Variants in MYO7B observed in about 807,000 individuals in gnomAD.
The protein encoded by MYO7B is unconventional myosin-VIIb.
In MYO7B, 212 loss-of-function variants were observed where a neutral mutation model predicts 259.7. The ratio of observed to expected loss-of-function variants is 0.82; its 90% CI spans 0.73 to 0.91. The LOEUF (loss-of-function observed/expected upper bound fraction) is 0.91. Ranked by LOEUF, MYO7B falls within the 40% of genes least tolerant of loss-of-function variation. The pLI, the probability that MYO7B is intolerant of heterozygous loss-of-function variation, is 0.00. For missense variants in MYO7B, 2,732 were observed against 2,813.5 expected, an observed-to-expected ratio of 0.97 and a Z score of 0.66; for synonymous variants, 1,197 against 1,166.4, an observed-to-expected ratio of 1.03 and a Z score of -0.54.
chr2:127,579,021 A>C (rs1295598556), intron 9 of MYO7B, among the ~76,000 whole-genome samples: 2 of 152,200 alleles, frequency 1.3e-5, no homozygotes, highest in African/African-American at 4.8e-5. Context: ...AAAAATAACC[A>C]AAAGGAAGAA....
At chr2:127,612,426 G>A (rs770489875) in intron 25 of MYO7B, 50 bp from the exon 26 acceptor site, 33 of 1,550,198 alleles carry the variant, frequency 2.1e-5, no homozygotes, top group Non-Finnish European at 2.8e-5. Flanking sequence ...TTCCTACTTG[G>A]CAGATGGGGA....
chr2:127,604,171 A>G (rs973368880), intron 19 of MYO7B, among the ~76,000 whole-genome samples: 2 of 152,216 alleles, frequency 1.3e-5, no homozygotes, highest in African/African-American at 2.4e-5. Flanking sequence ...GTGTAGCCAC[A>G]TTTATCAATG....
chr2:127,593,101 A>G (rs1317816723), intron 17 of MYO7B, among the ~76,000 whole-genome samples, 155 bp downstream of exon 17: 1 of 150,184 alleles, frequency 6.7e-6, no homozygotes, highest in Non-Finnish European at 1.5e-5. Flanking sequence ...TCCTCCTCCC[A>G]CCCTACCCTC....
At position 127,580,012 on chromosome 2, in the gene MYO7B, C is replaced by G. The variant is rs1573647869; in HGVS notation, c.1004-734C>G. 2.0e-5 allele frequency among the ~76,000 whole-genome samples: 3 copies of G among 152,184 alleles called. No homozygotes were observed. The East Asian group carries it at 5.8e-4, about 29-fold the overall frequency. ...CCGGAGGAGAGGGACACAGTCTCAGCCCGCAAGGACCTCGGAGGGCTGTGG... is the reference window on the plus strand; with the variant it reads ...CCGGAGGAGAGGGACACAGTCTCAGGCCGCAAGGACCTCGGAGGGCTGTGG... On this transcript the variant is annotated intron_variant, in intron 9 of 47. Transcript: ENST00000409816.
intron 30 of MYO7B, 135 bp from the exon 31 acceptor site, chr2:127,625,233 G>A: frequency 3.8e-6 from 4 of 1,048,392 alleles, no homozygotes; most frequent in Non-Finnish European, 3.9e-6. Context: ...GCAGGGAGGG[G>A]GAAGGTCCTG....
At chr2:127,622,534 C>T (rs930350598) in intron 28 of MYO7B, among the ~76,000 whole-genome samples, 1 of 152,184 alleles carries the variant, frequency 6.6e-6, no homozygotes, top group Non-Finnish European at 1.5e-5. Flanking sequence ...GCTGTTTTCT[C>T]AGGAAGGGTC....
At position 127,607,979 on chromosome 2, in the gene MYO7B, C is replaced by T. The variant is rs1680223445; in HGVS notation, c.2643+555C>T. ...GGGCTGTGTATGACAGCTCAGGGGA[C>T]AGAGAAATATTAATACCAAGGGGAG... On this transcript the variant is annotated intron_variant, in intron 21 of 47. Coordinates refer to ENST00000409816, the MANE Select transcript of MYO7B (RefSeq NM_001393586.1). This position sits in a 1 kb window ranked among gnomAD's most constrained non-coding sequence, Gnocchi z 4.4. Among the ~76,000 whole-genome samples the T allele has an allele frequency of 6.6e-6, 1 of 152,106 alleles. No individual in the cohort carries two copies. Among genetic ancestry groups the T allele is most frequent in the South Asian group, 2.1e-4 (1 of 4,824 alleles).
intron 2 of MYO7B, among the ~76,000 whole-genome samples, chr2:127,560,031 T>TTTTC (rs1491234343): frequency 5.8e-4 from 17 of 29,360 alleles, no homozygotes; most frequent in East Asian, 2.2e-3. Context: ...TTTTCTTTTC[T>TTTTC]TTTTTTTTTT....
chr2:127,635,261 C>T, intron 43 of MYO7B, 35 bp downstream of exon 43: 7 of 1,565,146 alleles, frequency 4.5e-6, no homozygotes, highest in Non-Finnish European at 5.2e-6. Context: ...GCACTGGGGC[C>T]ACCCCCATCT....
chr2:127,609,894 C>A lies in MYO7B; in HGVS notation c.3070C>A (p.Leu1024Ile). The A allele has an allele frequency of 6.2e-7, 1 of 1,611,850 alleles. No homozygotes were observed. The highest frequency in any genetic ancestry group is 8.5e-7 in the Non-Finnish European group (1 of 1,178,890). Residue 1024 changes from leucine (L) to isoleucine (I), a missense_variant, in exon 24 of 48, where the codon CTC becomes ATC. By Grantham distance (5) the Leu-to-Ile change is conservative. This residue lies in a region of MYO7B where 1,906 missense variants were observed against 2,026.4 expected (regional missense o/e 0.94). Coordinates refer to ENST00000409816, the MANE Select transcript of MYO7B (RefSeq NM_001393586.1). The surrounding 1 kb of genome is among the most constrained non-coding windows in gnomAD (Gnocchi z 6.9). ...WNVILRFMGD[L>I]PEPVLYARSS... The stretch of plus-strand genomic sequence containing the variant: ...CGTCATCCTGAGGTTCATGGGTGAT[C>A]TCCCAGAGCCAGTGCTGTATGCCAG...
chr2:127,537,383 C>T (rs1164504694), intron 1 of MYO7B, among the ~76,000 whole-genome samples: 1 of 152,156 alleles, frequency 6.6e-6, no homozygotes, highest in African/African-American at 2.4e-5. Flanking sequence ...GTCTGTTGGC[C>T]TTGTGTAGGA....
At chr2:127,541,624 C>T (rs1164187256) in intron 1 of MYO7B, among the ~76,000 whole-genome samples, 1 of 152,116 alleles carries the variant, frequency 6.6e-6, no homozygotes, top group African/African-American at 2.4e-5. Flanking sequence ...GGCACCTGAA[C>T]CTAGTTGTGT....
Position 127,622,202 on chromosome 2 carries a change from T to A in MYO7B, c.3645+101T>A. On this transcript the variant is annotated intron_variant, in intron 28 of 47. Transcript: ENST00000409816. The stretch of plus-strand genomic sequence containing the variant: ...GGTGCCTTCTCCTAGGACAGAACTT[T>A]GTCCTCTGAGCCCCGCCATCTCCTC... 3 of 1,419,646 alleles carry A rather than the reference T, an allele frequency of 2.1e-6. No individual in the cohort carries two copies. The South Asian group carries it at 4.4e-5, about 21-fold the overall frequency. The allele number at this position is 1,419,646 out of a possible 1,614,324, so 87.9% of individuals were successfully genotyped here. A position where few individuals can be genotyped will look rare whatever the true frequency, so the allele number is the denominator to read the frequency against.
At chr2:127,541,309 A>G (rs1322007620) in intron 1 of MYO7B, among the ~76,000 whole-genome samples, 2 of 152,058 alleles carry the variant, frequency 1.3e-5, no homozygotes, top group Non-Finnish European at 2.9e-5. Context: ...ACAGTGAAGG[A>G]GGCATCTCGA....
At position 127,627,830 on chromosome 2, in the gene MYO7B, AG is replaced by A. The variant is rs1453759249; in HGVS notation, c.4460+521del. ...TGGGAAGTCCCACCCAAGCCCTGCC[AG>A]AGCGCCCCTTGGTTGAAGCACACAA... On this transcript the variant is annotated intron_variant, in intron 33 of 47. Coordinates refer to ENST00000409816, the MANE Select transcript of MYO7B (RefSeq NM_001393586.1). This position sits in a 1 kb window ranked among gnomAD's most constrained non-coding sequence, Gnocchi z 5.6. The A allele has an allele frequency of 2.2e-6, 1 of 457,970 alleles. No individual in the cohort carries two copies. The allele number at this position is 457,970 out of a possible 1,614,324, so 28.4% of individuals were successfully genotyped here.
At chr2:127,571,228 G>A (rs868308220) in intron 6 of MYO7B, among the ~76,000 whole-genome samples, 1 of 152,050 alleles carries the variant, frequency 6.6e-6, no homozygotes, top group Non-Finnish European at 1.5e-5. Flanking sequence ...TGGTTGTCCT[G>A]TGTCCCCACC....
intron 1 of MYO7B, among the ~76,000 whole-genome samples, chr2:127,541,182 G>T (rs1692991216): frequency 6.6e-6 from 1 of 151,960 alleles, no homozygotes; most frequent in Non-Finnish European, 1.5e-5. Context: ...TGGTGAAGGA[G>T]GCATCTCTGT....
intron 1 of MYO7B, among the ~76,000 whole-genome samples, chr2:127,551,906 A>G (rs892265504): frequency 2.6e-5 from 4 of 152,196 alleles, no homozygotes; most frequent in Non-Finnish European, 5.9e-5. Context: ...ATCTCTGGAC[A>G]CTGCTGAAGG....
At chr2:127,541,868 G>A (rs1693017702) in intron 1 of MYO7B, among the ~76,000 whole-genome samples, 1 of 152,198 alleles carries the variant, frequency 6.6e-6, no homozygotes, top group South Asian at 2.1e-4. Flanking sequence ...CCAAGAGCAG[G>A]GTCTCTTCCC....
Sources: allele counts gnomAD v4.1 joint callset (sites outside exome capture counted in the v4.1 genomes callset), GRCh38; gene constraint gnomAD v4.1.1; regional missense constraint gnomAD v4.1.1; non-coding constraint Gnocchi (gnomAD v3.1); transcripts MANE v1.5; gene names NCBI Gene and HGNC (gene_info 2026-07-23, HGNC 2026-07-21).